MTCL2: variants seen among roughly 807,000 people sequenced by gnomAD.
MTCL2 encodes microtubule cross-linking factor 2.
the MTCL2 span, among the ~76,000 whole-genome samples, chr20:36,841,018 A>G: frequency 6.6e-6 from 1 of 151,732 alleles, no homozygotes; most frequent in East Asian, 1.9e-4. Context: ...AATAATAACA[A>G]AAGACACCTG....
chr20:36,794,007 C>T, the MTCL2 span: 11 of 1,551,502 alleles, frequency 7.1e-6, no homozygotes, highest in South Asian at 2.4e-5. The surrounding 1 kb of genome is among the most constrained non-coding windows in gnomAD (Gnocchi z 5.4). Flanking sequence ...TCCAGTGAGC[C>T]GGAGCGCATG....
the MTCL2 span, among the ~76,000 whole-genome samples, chr20:36,841,869 G>C: frequency 7.9e-6 from 1 of 126,994 alleles, no homozygotes; most frequent in Non-Finnish European, 1.7e-5. Context: ...GGGGGTGGGG[G>C]GTGGGGTGTG....
chr20:36,789,156 G>A, the MTCL2 span, among the ~76,000 whole-genome samples: 4 of 152,118 alleles, frequency 2.6e-5, no homozygotes, highest in African/African-American at 9.7e-5. Context: ...TGGGTAGCAC[G>A]CACATTTTAC....
At chr20:36,854,316 A>G in the MTCL2 span, among the ~76,000 whole-genome samples, 2 of 152,180 alleles carry the variant, frequency 1.3e-5, no homozygotes, top group African/African-American at 4.8e-5. Flanking sequence ...CATGAAACCT[A>G]TCATTACCCC....
chr20:36,839,171 C>T, the MTCL2 span: 70 of 1,552,574 alleles, frequency 4.5e-5, no homozygotes, highest in Non-Finnish European at 6.1e-5. This position sits in a 1 kb window ranked among gnomAD's most constrained non-coding sequence, Gnocchi z 5.1. Context: ...CCCACTTAGA[C>T]TTGTGGTCCC....
chr20:36,786,271 C>T, the MTCL2 span: 38 of 1,246,688 alleles, frequency 3.0e-5, no homozygotes, highest in African/African-American at 5.4e-4. Context: ...ACTGCCTTCC[C>T]CTGGGAAGTC....
At chr20:36,787,808 C>A in the MTCL2 span, among the ~76,000 whole-genome samples, 20 of 150,374 alleles carry the variant, frequency 1.3e-4, no homozygotes, top group African/African-American at 4.2e-4. Flanking sequence ...ATCGCTTAAA[C>A]CCAGGGTGCG....
At chr20:36,862,865 G>A in the MTCL2 span, 1 of 1,230,656 alleles carries the variant, frequency 8.1e-7, no homozygotes, top group Non-Finnish European at 1.0e-6. Context: ...GCGCGGGCTG[G>A]GCCGGCTGCC....
At chr20:36,808,355 GAA>G in the MTCL2 span, among the ~76,000 whole-genome samples, 4 of 119,746 alleles carry the variant, frequency 3.3e-5, no homozygotes, top group Admixed American at 8.5e-5. Context: ...CTCCATCTCG[GAA>G]AAAAAAAAAA....
chr20:36,852,465 GATC>G, the MTCL2 span, among the ~76,000 whole-genome samples: 1 of 152,224 alleles, frequency 6.6e-6, no homozygotes, highest in South Asian at 2.1e-4. Context: ...CTCCAGATGA[GATC>G]ATCACACTTG....
At chr20:36,825,854 G>A in the MTCL2 span, among the ~76,000 whole-genome samples, 4 of 152,170 alleles carry the variant, frequency 2.6e-5, no homozygotes, top group South Asian at 4.1e-4. Context: ...CAGGGCACGC[G>A]AGGAGAGCTA....
At chr20:36,815,391 C>G in the MTCL2 span, 1 of 1,613,274 alleles carries the variant, frequency 6.2e-7, no homozygotes, top group Non-Finnish European at 8.5e-7. The surrounding 1 kb of genome is among the most constrained non-coding windows in gnomAD (Gnocchi z 5.3). Context: ...GTTGTCCAGA[C>G]ACAGCCGGAG....
the MTCL2 span, among the ~76,000 whole-genome samples, chr20:36,850,957 G>A: frequency 2.0e-5 from 3 of 152,136 alleles, no homozygotes; most frequent in African/African-American, 7.2e-5. Flanking sequence ...AAGCCAGACT[G>A]AGTAGGCTAC....
the MTCL2 span, chr20:36,839,136 A>G: frequency 7.4e-7 from 1 of 1,346,962 alleles, no homozygotes; most frequent in Non-Finnish European, 1.0e-6. The surrounding 1 kb of genome is among the most constrained non-coding windows in gnomAD (Gnocchi z 5.1). Context: ...GACACACGGA[A>G]ATGAGATGCA....
the MTCL2 span, chr20:36,785,229 C>T: frequency 1.0e-6 from 1 of 985,410 alleles, no homozygotes; most frequent in Non-Finnish European, 1.2e-6. Context: ...GCCAGGTCTC[C>T]AAACCTGGCT....
chr20:36,842,382 A>T, the MTCL2 span, among the ~76,000 whole-genome samples: 1 of 151,908 alleles, frequency 6.6e-6, no homozygotes, highest in Non-Finnish European at 1.5e-5. Flanking sequence ...ATGCATAATT[A>T]TTATGTCTCA....
the MTCL2 span, among the ~76,000 whole-genome samples, chr20:36,788,495 G>A: frequency 2.0e-5 from 3 of 151,922 alleles, no homozygotes; most frequent in Non-Finnish European, 4.4e-5. Flanking sequence ...AAAATTAGCC[G>A]GGCGCGGTGG....
At chr20:36,789,986 G>GT in the MTCL2 span, among the ~76,000 whole-genome samples, 17 of 132,612 alleles carry the variant, frequency 1.3e-4, no homozygotes, top group African/African-American at 4.5e-4. Context: ...GCTAATTTTT[G>GT]TATTTTTTTT....
At chr20:36,796,836 G>A in the MTCL2 span, 1 of 1,595,314 alleles carries the variant, frequency 6.3e-7, no homozygotes, top group Non-Finnish European at 8.6e-7. Flanking sequence ...GGGCGAGGCT[G>A]TGGGGCCGGT....
Sources: allele counts gnomAD v4.1 joint callset (sites outside exome capture counted in the v4.1 genomes callset), GRCh38; gene constraint gnomAD v4.1.1; non-coding constraint Gnocchi (gnomAD v3.1); transcripts MANE v1.5; gene names NCBI Gene and HGNC (gene_info 2026-07-23, HGNC 2026-07-21).